ARFGEF2: variants seen among roughly 807,000 people sequenced by gnomAD.
The protein encoded by ARFGEF2 is ARF guanine nucleotide exchange factor 2, also known as brefeldin A-inhibited guanine nucleotide-exchange protein 2.
A neutral mutation model predicts 219.9 loss-of-function variants in ARFGEF2; 74 were observed. The observed-to-expected ratio is 0.34, with a 90% CI of 0.28 to 0.41. The LOEUF is 0.41. Ranked by LOEUF, ARFGEF2 falls within the 10% of genes least tolerant of loss-of-function variation. The pLI is 1.00. For synonymous variants in ARFGEF2, 733 were observed against 799.2 expected, an observed-to-expected ratio of 0.92 and a Z score of 1.40; for missense variants, 1,743 against 2,218.3, an observed-to-expected ratio of 0.79 and a Z score of 4.30.
At chr20:48,956,687 C>A (rs1002407487) in intron 6 of ARFGEF2, among the ~76,000 whole-genome samples, 12 of 152,116 alleles carry the variant, frequency 7.9e-5, no homozygotes, top group Non-Finnish European at 1.6e-4. Flanking sequence ...TCAAGTGATT[C>A]CCCTGCCTCA....
rs758123011 is a variant in ARFGEF2 at position 48,951,494 on chromosome 20, G to A, written c.423+25G>A. The A allele has an allele frequency of 5.6e-6, 9 of 1,613,850 alleles. No homozygotes were observed. In the South Asian group the frequency reaches 9.9e-5, roughly 18 times the overall value. ...GGTATGCCTATTTGTTTGCCTGTCTGGTTTTTAAATTAGAAAGCAAGTCCC... is the reference window on the plus strand; with the variant it reads ...GGTATGCCTATTTGTTTGCCTGTCTAGTTTTTAAATTAGAAAGCAAGTCCC... On this transcript the variant is annotated intron_variant, in intron 4 of 38. Coordinates refer to ENST00000371917, the MANE Select transcript of ARFGEF2 (RefSeq NM_006420.3).
intron 1 of ARFGEF2, among the ~76,000 whole-genome samples, chr20:48,937,688 T>C (rs989011278): frequency 6.6e-6 from 1 of 152,244 alleles, no homozygotes; most frequent in Non-Finnish European, 1.5e-5. Context: ...TTCTTGGGTT[T>C]CTGCAGTTAC....
Position 48,995,900 on chromosome 20 carries a change from C to A in ARFGEF2, c.3221+18C>A. On this transcript the variant is annotated intron_variant, in intron 23 of 38. Transcript: ENST00000371917. Reference sequence around the variant, plus strand: ...GTGGACAGGTAATGATTTTATTCTTCAGTGACCCTGAACTACACAGTGGTT... The same window carrying A: ...GTGGACAGGTAATGATTTTATTCTTAAGTGACCCTGAACTACACAGTGGTT... The A allele has an allele frequency of 1.2e-6, 2 of 1,609,234 alleles. No individual in the cohort carries two copies. Among genetic ancestry groups the A allele is most frequent in the Non-Finnish European group, 1.7e-6 (2 of 1,175,582 alleles).
chr20:48,949,832 CA>C (rs1180020544), intron 3 of ARFGEF2, among the ~76,000 whole-genome samples: 2 of 152,098 alleles, frequency 1.3e-5, no homozygotes, highest in Non-Finnish European at 2.9e-5. Context: ...AAGAACAGAA[CA>C]GCAGTTTTAG....
chr20:48,956,526 AT>A (rs1387363875), intron 6 of ARFGEF2, among the ~76,000 whole-genome samples: 1 of 152,152 alleles, frequency 6.6e-6, no homozygotes, highest in Non-Finnish European at 1.5e-5. Context: ...ATTTTTACAG[AT>A]ACTGTGTAGA....
intron 3 of ARFGEF2, among the ~76,000 whole-genome samples, chr20:48,950,809 AAAATATATATATATATAT>A (rs1271217696): frequency 6.1e-4 from 25 of 41,154 alleles, no homozygotes; most frequent in African/African-American, 2.6e-3. Flanking sequence ...AAAAAAAAAA[AAAATATATATATATATAT>A]ATATATATAT....
At chr20:48,953,997 C>T (rs1179422321) in intron 6 of ARFGEF2, among the ~76,000 whole-genome samples, 2 of 152,206 alleles carry the variant, frequency 1.3e-5, no homozygotes, top group African/African-American at 4.8e-5. Context: ...GCTGTTTTCT[C>T]TAAATAGTAC....
At chr20:48,978,351 A>G (rs2091275223) in intron 14 of ARFGEF2, among the ~76,000 whole-genome samples, 1 of 152,218 alleles carries the variant, frequency 6.6e-6, no homozygotes, top group African/African-American at 2.4e-5. Context: ...TTTTGGTACC[A>G]GTACCATGCT....
At chr20:48,998,085 C>G in intron 23 of ARFGEF2, 108 bp from the exon 24 acceptor site, 1 of 1,007,418 alleles carries the variant, frequency 9.9e-7, no homozygotes, top group Non-Finnish European at 1.5e-6. Context: ...GTTTTGAACT[C>G]CTGACCTCAA....
In ARFGEF2 at chr20:48,994,493, G is replaced by C. The variant is rs2091374708; in HGVS notation, c.3016G>C (p.Gly1006Arg). The C allele has an allele frequency of 6.2e-7, 1 of 1,614,130 alleles. No individual in the cohort carries two copies. Among genetic ancestry groups the C allele is most frequent in the Non-Finnish European group, 8.5e-7 (1 of 1,180,038 alleles). The change falls in exon 22 of 39, where the codon GGA (glycine) becomes CGA (arginine). Residue 1006 changes from glycine to arginine, a missense_variant. Around this residue, in one of 5 missense-constraint regions of ARFGEF2, gnomAD observed 666 missense variants for 955.4 expected, o/e 0.70. Transcript: ENST00000371917. ...ISQLELAQLI[G>R]TGVKTRYLSG... ...CCAGCTGGAGCTCGCTCAGCTGATAGGAACCGGTGTGAAGACGCGCTACCT... is the reference window on the plus strand; with the variant it reads ...CCAGCTGGAGCTCGCTCAGCTGATACGAACCGGTGTGAAGACGCGCTACCT...
intron 21 of ARFGEF2, among the ~76,000 whole-genome samples, chr20:48,991,663 A>G (rs1474300662): frequency 6.6e-6 from 1 of 152,150 alleles, no homozygotes; most frequent in Non-Finnish European, 1.5e-5. Flanking sequence ...ATAGTTACTT[A>G]TGTGTACAAC....
At chr20:48,993,788 T>G (rs546405126) in intron 21 of ARFGEF2, among the ~76,000 whole-genome samples, 1 of 152,292 alleles carries the variant, frequency 6.6e-6, no homozygotes, top group East Asian at 1.9e-4. Context: ...CATCTCCCAC[T>G]GCATGCCTGA....
At chr20:49,028,207 G>A (rs958671524) in intron 36 of ARFGEF2, among the ~76,000 whole-genome samples, 3 of 151,884 alleles carry the variant, frequency 2.0e-5, no homozygotes, top group African/African-American at 7.3e-5. Context: ...GCAGTGAGCC[G>A]AGATAATGCC....
intron 14 of ARFGEF2, among the ~76,000 whole-genome samples, chr20:48,980,839 A>T (rs2123441957): frequency 6.6e-6 from 1 of 152,104 alleles, no homozygotes; most frequent in Non-Finnish European, 1.5e-5. Flanking sequence ...TGCTTGGTAG[A>T]TCTTCCTCCA....
At chr20:49,005,302 T>G in intron 26 of ARFGEF2, 81 bp downstream of exon 26, 14 of 1,558,830 alleles carry the variant, frequency 9.0e-6, no homozygotes, top group Non-Finnish European at 1.2e-5. Context: ...AACCACATGA[T>G]TAATTTTTTT....
chr20:49,028,619 G>A lies in ARFGEF2; in HGVS notation c.5014G>A (p.Asp1672Asn). Residue 1672 changes from aspartate to asparagine, a missense_variant, in exon 37 of 39, where the codon GAT (aspartate) becomes AAT (asparagine). This residue lies in a region of ARFGEF2 where 578 missense variants were observed against 664.0 expected (regional missense o/e 0.87). Transcript: ENST00000371917. ...CLRILFRMYV[D>N]ENRRDSWEEI... ...GAGGATCCTGTTTCGAATGTATGTT[G>A]ATGAGAACCGCAGGGATTCCTGGGA... 6.2e-7 allele frequency: 1 copy of A among 1,614,186 alleles called. No homozygotes were observed. Among genetic ancestry groups the A allele is most frequent in the South Asian group, 1.1e-5 (1 of 91,086 alleles).
chr20:48,924,312 A>C (rs2090862251), intron 1 of ARFGEF2, among the ~76,000 whole-genome samples: 1 of 152,052 alleles, frequency 6.6e-6, no homozygotes, highest in Non-Finnish European at 1.5e-5. Context: ...GATCGAAACC[A>C]TCCTGGCTAA....
chr20:48,938,059 GAAC>G (rs1462954888), intron 1 of ARFGEF2, among the ~76,000 whole-genome samples: 1 of 152,174 alleles, frequency 6.6e-6, no homozygotes, highest in African/African-American at 2.4e-5. Flanking sequence ...GTATCCAGGA[GAAC>G]ACAGACTCTG....
At position 48,929,892 on chromosome 20, in the gene ARFGEF2, T is replaced by C. The variant is rs145430345; in HGVS notation, c.121+7882T>C. On this transcript the variant is annotated intron_variant, in intron 1 of 38. Coordinates refer to ENST00000371917, the MANE Select transcript of ARFGEF2 (RefSeq NM_006420.3). Reference sequence around the variant, plus strand: ...GGCCTGGAGGTCATGGCTAGGAGTTTTATTTTTTAGGTCAAAGGCAGTGAG... The same window carrying C: ...GGCCTGGAGGTCATGGCTAGGAGTTCTATTTTTTAGGTCAAAGGCAGTGAG... Among the ~76,000 whole-genome samples the C allele has an allele frequency of 7.9e-5, 12 of 152,248 alleles. No homozygotes were observed. In the East Asian group the frequency reaches 2.3e-3, roughly 29 times the overall value.
Sources: allele counts gnomAD v4.1 joint callset (sites outside exome capture counted in the v4.1 genomes callset), GRCh38; gene constraint gnomAD v4.1.1; regional missense constraint gnomAD v4.1.1; transcripts MANE v1.5; gene names NCBI Gene and HGNC (gene_info 2026-07-23, HGNC 2026-07-21).